The following MGAM variants were observed in gnomAD, a reference collection of about 807,000 sequenced individuals.
MGAM encodes alpha-1,4-glucosidase.
MGAM carries 253 observed loss-of-function variants against 358.8 expected under a neutral mutation model. That is an observed-to-expected ratio of 0.71 (90% CI 0.64 to 0.78). The LOEUF is 0.78. MGAM is among the 30% of genes least tolerant of loss of function. The pLI is 0.00. For synonymous variants in MGAM, 1,105 were observed against 1,227.1 expected, an observed-to-expected ratio of 0.90 and a Z score of 2.08; for missense variants, 3,080 against 3,432.6, an observed-to-expected ratio of 0.90 and a Z score of 2.57.
intron 70 of MGAM, among the ~76,000 whole-genome samples, chr7:142,103,732 A>G (rs1425787025): frequency 6.6e-6 from 1 of 152,124 alleles, no homozygotes; most frequent in East Asian, 1.9e-4. Context: ...AACTTCCCAA[A>G]CAGGTTGGAA....
Position 142,065,954 on chromosome 7 carries a change from T to TG in MGAM, c.4770+123_4770+124insG, listed in dbSNP as rs1563188374. 1.3e-4 allele frequency: 100 copies of TG among 762,254 alleles called. 1 individual carries two copies. Among genetic ancestry groups the TG allele is most frequent in the Non-Finnish European group, 1.5e-4 (79 of 517,646 alleles). The allele number at this position is 762,254 out of a possible 1,614,324, so 47.2% of individuals were successfully genotyped here. On this transcript the variant is annotated intron_variant, in intron 40 of 70. Transcript: ENST00000475668. ...CTTTAAAAAAAGGTGTTTTTTTTTG[T>TG]TTTGTTTTGTTTTGTTTTTTTTTTT... is the stretch of plus-strand genomic sequence containing the variant.
upstream of MGAM, among the ~76,000 whole-genome samples, chr7:141,991,578 A>G (rs1257006221): frequency 6.6e-6 from 1 of 151,896 alleles, no homozygotes; most frequent in African/African-American, 2.4e-5. Context: ...CTGGGATTAT[A>G]GGCACGCGCT....
In MGAM at chr7:142,069,216, A is replaced by C. The variant is rs1387761910; in HGVS notation, c.5061+513A>C. ...CAAGTGATTAGGCAATGTGCAAAAC[A>C]CACACAGAGGTATGGGACCCAACCC... On this transcript the variant is annotated intron_variant, in intron 43 of 70. Coordinates refer to ENST00000475668, the MANE Select transcript of MGAM (RefSeq NM_001365693.1). Among the ~76,000 whole-genome samples the C allele has an allele frequency of 4.8e-5, 7 of 146,282 alleles. 2 individuals are homozygous for C. The highest frequency in any genetic ancestry group is 2.2e-4 in the South Asian group (1 of 4,574).
intron 42 of MGAM, among the ~76,000 whole-genome samples, chr7:142,067,961 TATAA>T (rs1280288856): frequency 5.7e-5 from 2 of 34,886 alleles, no homozygotes; most frequent in African/African-American, 1.7e-4. Flanking sequence ...TATATATATA[TATAA>T]ATATATATAT....
At chr7:142,043,702 T>G (rs1316339816) in intron 21 of MGAM, among the ~76,000 whole-genome samples, 1 of 129,650 alleles carries the variant, frequency 7.7e-6, no homozygotes, top group Non-Finnish European at 1.6e-5. Flanking sequence ...ATAATACATA[T>G]ATTATATATC....
intron 67 of MGAM, among the ~76,000 whole-genome samples, chr7:142,100,428 A>G (rs144683080): frequency 2.1e-3 from 321 of 152,324 alleles, no homozygotes; most frequent in African/African-American, 7.1e-3. Flanking sequence ...TTAAATAAAA[A>G]TGAAGAACTT....
At chr7:142,041,721 C>A (rs1808580968) in intron 21 of MGAM, among the ~76,000 whole-genome samples, 1 of 149,726 alleles carries the variant, frequency 6.7e-6, no homozygotes, top group Non-Finnish European at 1.5e-5. Flanking sequence ...AACATTTGGG[C>A]TTTTGCACTT....
At chr7:142,067,970 ATATATATATATATATATTTTTTTTT>A (rs1563191349) in intron 42 of MGAM, among the ~76,000 whole-genome samples, 4 of 5,112 alleles carry the variant, frequency 7.8e-4, no homozygotes, top group African/African-American at 1.2e-3. Flanking sequence ...ATATAAATAT[ATATATATATATATATATTTTTTTTT>A]TTTTTTTTTT....
chr7:142,050,172 G>A (rs1810802374), intron 22 of MGAM, 63 bp from the exon 23 acceptor site: 1 of 1,520,150 alleles, frequency 6.6e-7, no homozygotes, highest in Non-Finnish European at 9.1e-7. Flanking sequence ...GGAGTGGTAG[G>A]GTGAAATCTG....
chr7:142,016,363 C>T (rs1299250480), intron 3 of MGAM, among the ~76,000 whole-genome samples: 1 of 152,156 alleles, frequency 6.6e-6, no homozygotes, highest in Non-Finnish European at 1.5e-5. Context: ...GTACATTATC[C>T]ATCAATTACT....
At position 142,021,076 on chromosome 7, in the gene MGAM, A is replaced by G; in HGVS notation, c.551A>G (p.His184Arg). 2 of 1,591,130 alleles carry G rather than the reference A, an allele frequency of 1.3e-6. No homozygotes were observed. Among genetic ancestry groups the G allele is most frequent in the Non-Finnish European group, 1.7e-6 (2 of 1,171,034 alleles). Reference protein sequence around the residue: ...TAEYQTSNRFHFKLTDQTNNR... With the variant: ...TAEYQTSNRFRFKLTDQTNNR... ...GAATATCAGACATCTAATCGTTTCCACTTTAAGGTTGTAATTTGTTTATTT... is the reference window on the plus strand; with the variant it reads ...GAATATCAGACATCTAATCGTTTCCGCTTTAAGGTTGTAATTTGTTTATTT... The change falls in exon 5 of 71, where the codon CAC becomes CGC. Residue 184 changes from histidine (H) to arginine (R), a missense_variant. Around this residue, in one of 5 missense-constraint regions of MGAM, gnomAD observed 1,816 missense variants for 1,840.5 expected, o/e 0.99. Transcript: ENST00000475668.
At chr7:142,095,776 G>A in intron 64 of MGAM, 63 bp downstream of exon 64, 1 of 1,588,838 alleles carries the variant, frequency 6.3e-7, no homozygotes, top group Non-Finnish European at 8.6e-7. Flanking sequence ...TATGGTGACA[G>A]TTGAATTCTT....
rs555769449 is a variant in MGAM, at chr7:142,106,370, A to G, written c.*479A>G. On this transcript the variant is annotated 3_prime_UTR_variant, in exon 71 of 71. Coordinates refer to ENST00000475668, the MANE Select transcript of MGAM (RefSeq NM_001365693.1). ...GGAGGAATAATATACCTAATTGGTT[A>G]TAGGTGGGGGGAGCATGATAAGCAA... The G allele has an allele frequency of 3.3e-5, 5 of 152,802 alleles. No homozygotes were observed. The highest frequency in any genetic ancestry group is 1.2e-4 in the African/African-American group (5 of 41,584). The allele number at this position is 152,802 out of a possible 1,614,324, so 9.5% of individuals were successfully genotyped here. A position where few individuals can be genotyped will look rare whatever the true frequency, so the allele number is the denominator to read the frequency against.
chr7:142,048,406 C>G (rs1483525826), intron 22 of MGAM, among the ~76,000 whole-genome samples: 2 of 151,666 alleles, frequency 1.3e-5, no homozygotes, highest in East Asian at 1.9e-4. Context: ...GCTCGGCCCC[C>G]CAAAGTGCTG....
rs10224348 is a variant in MGAM at position 142,027,853 on chromosome 7, A to T, written c.1221+118A>T. The T allele has an allele frequency of 3.4e-6, 4 of 1,160,194 alleles. No homozygotes were observed. In the African/African-American group the frequency reaches 6.3e-5, roughly 18 times the overall value. 71.9% of individuals were successfully genotyped at this position (1,160,194 alleles called of 1,614,324 possible). ...GATTTATTTATTTGGTAATGAAAGG[A>T]GTTTTAGATATTCAGAATACTAGAC... On this transcript the variant is annotated intron_variant, in intron 10 of 70. Coordinates refer to ENST00000475668, the MANE Select transcript of MGAM (RefSeq NM_001365693.1).
chr7:141,991,583 C>T (rs1180196596), upstream of MGAM, among the ~76,000 whole-genome samples: 4 of 151,888 alleles, frequency 2.6e-5, no homozygotes, highest in African/African-American at 9.7e-5. Context: ...ATTATAGGCA[C>T]GCGCTACCAT....
In MGAM at chr7:142,094,397, C is replaced by T. The variant is rs745513772; in HGVS notation, c.7206C>T (p.Val2402=). 20 of 1,531,672 alleles carry T rather than the reference C, an allele frequency of 1.3e-5. 2 individuals are homozygous for T. Among genetic ancestry groups the T allele is most frequent in the Non-Finnish European group, 1.5e-5 (17 of 1,120,604 alleles). The allele number at this position is 1,531,672 out of a possible 1,614,324, so 94.9% of individuals were successfully genotyped here. A position where few individuals can be genotyped will look rare whatever the true frequency, so the allele number is the denominator to read the frequency against. ...AVQEVTGQRG[V]VITRSTFPSS... ...AGGAGGTGACAGGACAGCGAGGGGT[C>T]GTCATCACCCGCTCCACATTTCCCT... Residue 2402 remains valine, a synonymous_variant, in exon 61 of 71, where the codon GTC becomes GTT. Transcript: ENST00000475668.
At chr7:142,092,644 T>C (rs1815505889) in intron 59 of MGAM, 36 bp downstream of exon 59, 1 of 1,481,518 alleles carries the variant, frequency 6.7e-7, no homozygotes. Flanking sequence ...GGCAGAGCCA[T>C]GATTGAAAGA....
chr7:142,005,304 G>A (rs1584901487), intron 1 of MGAM, among the ~76,000 whole-genome samples: 1 of 152,024 alleles, frequency 6.6e-6, no homozygotes, highest in African/African-American at 2.4e-5. Context: ...AAAGACATGA[G>A]ACCTGAGATT....
Sources: allele counts gnomAD v4.1 joint callset (sites outside exome capture counted in the v4.1 genomes callset), GRCh38; gene constraint gnomAD v4.1.1; regional missense constraint gnomAD v4.1.1; transcripts MANE v1.5; gene names NCBI Gene and HGNC (gene_info 2026-07-23, HGNC 2026-07-21).